HRNR: variants seen among roughly 807,000 people sequenced by gnomAD.
HRNR encodes the protein filaggrin family member 3.
A neutral mutation model predicts 4.8 loss-of-function variants in HRNR; 7 were observed. The ratio of observed to expected loss-of-function variants is 1.47; its 90% CI spans 0.83 to 2.75. HRNR has a LOEUF of 2.75. Among genes scored for constraint, HRNR ranks in the 30% most tolerant of loss-of-function variants. The pLI is 0.00. For missense variants in HRNR, 2,879 were observed against 3,010.4 expected, an observed-to-expected ratio of 0.96 and a Z score of 1.02; for synonymous variants, 1,023 against 1,242.7, an observed-to-expected ratio of 0.82 and a Z score of 3.72.
rs1267703042 is a variant in HRNR at position 152,220,341 on chromosome 1, C to G, written c.1288G>C (p.Gly430Arg). The G allele has an allele frequency of 6.2e-7, 1 of 1,613,068 alleles. No individual in the cohort carries two copies. Among genetic ancestry groups the G allele is most frequent in the Admixed American group, 1.7e-5 (1 of 59,970 alleles). Residue 430 changes from glycine to arginine, a missense_variant, in exon 3 of 3, where the codon GGG becomes CGG. This residue lies in a region of HRNR where 2,646 missense variants were observed against 1,377.7 expected (regional missense o/e 1.92). Coordinates refer to ENST00000368801, the MANE Select transcript of HRNR (RefSeq NM_001009931.3). ...SGQSPGHGQR[G>R]SGSGQSPSSG... ...CTGGGAGACTGCCCTGACCCAGACC[C>G]ACGCTGGCCGTGGCCTGGAGACTGG...
chr1:152,213,283 A>C lies in HRNR; in HGVS notation c.8346T>G (p.Ser2782=). The part of the protein sequence containing the change: ...HGRHGSGSGQ[S]SSYGQHGSGS... ...CAGACCCATGTTGGCCGTAGCTGGA[A>C]GACTGCCCTGAACCAGACCCGTGTC... is the stretch of plus-strand genomic sequence containing the variant. The change falls in exon 3 of 3, where the codon TCT becomes TCG. Residue 2782 remains serine, a synonymous_variant. Transcript: ENST00000368801. The C allele has an allele frequency of 5.4e-6, 8 of 1,481,938 alleles. No individual in the cohort carries two copies. Among genetic ancestry groups the C allele is most frequent in the Middle Eastern group, 1.8e-4 (1 of 5,648 alleles). 91.8% of individuals were successfully genotyped at this position (1,481,938 alleles called of 1,614,324 possible). A position where few individuals can be genotyped will look rare whatever the true frequency, so the allele number is the denominator to read the frequency against.
At position 152,219,488 on chromosome 1, in the gene HRNR, C is replaced by A; in HGVS notation, c.2141G>T (p.Ser714Ile). 1 of 1,612,824 alleles carries A rather than the reference C, an allele frequency of 6.2e-7. No individual in the cohort carries two copies. The highest frequency in any genetic ancestry group is 8.5e-7 in the Non-Finnish European group (1 of 1,179,444). ...GTGACTTGAGCCAGATCCATGCTGA[C>A]TGTAACCAGAGGACTGCCCTGAGCC... ...KSGSGQSSGY[S>I]QHGSGSSHSS... Residue 714 changes from serine (S) to isoleucine (I), a missense_variant, in exon 3 of 3, where the codon AGT (serine) becomes ATT (isoleucine). Ser to Ile is a moderately radical substitution (Grantham distance 142, BLOSUM62 -2). Transcript: ENST00000368801.
chr1:152,221,053 G>A lies in HRNR; in HGVS notation c.576C>T (p.Arg192=), dbSNP rs145907069. 3.5e-5 allele frequency: 56 copies of A among 1,613,258 alleles called. No homozygotes were observed. Among genetic ancestry groups the A allele is most frequent in the African/African-American group, 2.4e-4 (18 of 74,926 alleles). The change falls in exon 3 of 3, where the codon CGC becomes CGT. Residue 192 remains arginine (R), a synonymous_variant. Transcript: ENST00000368801. ...QNSDSHQSSG[R]GQCGSGSGQS... ...GCCCTGACCCAGACCCACATTGGCC[G>A]CGGCCTGAAGACTGATGGGAGTCGG...
rs755677565 is a variant in HRNR, at chr1:152,218,780, C to G, written c.2849G>C (p.Gly950Ala). ...QSSGYTQHGS[G>A]SGHSSSYEQH... ...TTCGTAGCTGGAGGAGTGACCTGAG[C>G]CAGATCCATGCTGAGTGTAACCAGA... Residue 950 changes from glycine to alanine, a missense_variant, in exon 3 of 3, where the codon GGC (glycine) becomes GCC (alanine). This residue lies in a region of HRNR where 2,646 missense variants were observed against 1,377.7 expected (regional missense o/e 1.92). Transcript: ENST00000368801. 1 of 1,613,524 alleles carries G rather than the reference C, an allele frequency of 6.2e-7. No homozygotes were observed. Among genetic ancestry groups the G allele is most frequent in the Non-Finnish European group, 8.5e-7 (1 of 1,179,966 alleles).
rs112974969 is a variant in HRNR, at chr1:152,218,957, G to T, written c.2672C>A (p.Pro891Gln). ...CCCAGACCCACGCTGGCCGTGGCCT[G>T]GAGACTGGCCAGATCCAGAGCCATG... is the stretch of plus-strand genomic sequence containing the variant. ...GRHGSGSGQS[P>Q]GHGQRGSGSG... The change falls in exon 3 of 3, where the codon CCA becomes CAA. Residue 891 changes from proline to glutamine, a missense_variant. Coordinates refer to ENST00000368801, the MANE Select transcript of HRNR (RefSeq NM_001009931.3). 6.2e-7 allele frequency: 1 copy of T among 1,613,958 alleles called. No homozygotes were observed. Among genetic ancestry groups the T allele is most frequent in the Non-Finnish European group, 8.5e-7 (1 of 1,179,958 alleles).
chr1:152,223,255 T>G lies in HRNR; in HGVS notation c.-2A>C. 1.3e-6 allele frequency: 2 copies of G among 1,592,832 alleles called. No individual in the cohort carries two copies. Among genetic ancestry groups the G allele is most frequent in the Non-Finnish European group, 1.7e-6 (2 of 1,167,050 alleles). ...GACGCCTTGTAGGAGTTTAGGCATT[T>G]TTTTTTTTGCAAGTTTGAGTAACCT... On this transcript the variant is annotated 5_prime_UTR_variant, in exon 2 of 3. Coordinates refer to ENST00000368801, the MANE Select transcript of HRNR (RefSeq NM_001009931.3).
chr1:152,220,303 A>T lies in HRNR; in HGVS notation c.1326T>A (p.His442Gln). The change falls in exon 3 of 3, where the codon CAT becomes CAA. Residue 442 changes from histidine (H) to glutamine (Q), a missense_variant. Around this residue, in one of 8 missense-constraint regions of HRNR, gnomAD observed 2,646 missense variants for 1,377.7 expected, o/e 1.92. Transcript: ENST00000368801. ...TGGAAGATCGACCAAAGCCAGTCCC[A>T]TGTTGGCCGGAGCTGGGAGACTGCC... ...GSGQSPSSGQ[H>Q]GTGFGRSSSS... 3 of 1,613,796 alleles carry T rather than the reference A, an allele frequency of 1.9e-6. No homozygotes were observed. The highest frequency in any genetic ancestry group is 1.7e-6 in the Non-Finnish European group (2 of 1,179,934).
chr1:152,223,037 T>C, intron 2 of HRNR, 79 bp downstream of exon 2: 1 of 1,413,374 alleles, frequency 7.1e-7, no homozygotes, highest in Non-Finnish European at 9.9e-7. Flanking sequence ...TCTAGGATGT[T>C]TGACATATGT....
At position 152,221,311 on chromosome 1, in the gene HRNR, G is replaced by GT. The variant is rs1229239213; in HGVS notation, c.317dup (p.His106GlnfsTer11). On this transcript the variant is annotated frameshift_variant, in exon 3 of 3. Coordinates refer to ENST00000368801, the MANE Select transcript of HRNR (RefSeq NM_001009931.3). LOFTEE classifies it low-confidence loss of function (END_TRUNC). ...TTTCTTCTTGTTCCTCTTGGTGCTG[G>GT]TGAGTGTCATCTCTCAGCTTTGACC... 1.9e-6 allele frequency: 3 copies of GT among 1,613,812 alleles called. No homozygotes were observed. In the African/African-American group the frequency reaches 4.0e-5, roughly 22 times the overall value.
In HRNR at chr1:152,218,825, T is replaced by C. The variant is rs1460816225; in HGVS notation, c.2804A>G (p.Lys935Arg). The change falls in exon 3 of 3, where the codon AAG (lysine) becomes AGG (arginine). Residue 935 changes from lysine to arginine, a missense_variant. Lys to Arg is a conservative substitution (Grantham distance 26, BLOSUM62 2). Around this residue, in one of 8 missense-constraint regions of HRNR, gnomAD observed 2,646 missense variants for 1,377.7 expected, o/e 1.92. Coordinates refer to ENST00000368801, the MANE Select transcript of HRNR (RefSeq NM_001009931.3). ...ACCAGAGGACTGCCCTGAGCTAGAC[T>C]TGTGACCAAAGCCAGAAGACTGGCC... ...GSGQSSGFGH[K>R]SSSGQSSGYT... The C allele has an allele frequency of 8.1e-6, 13 of 1,613,272 alleles. No individual in the cohort carries two copies. Among genetic ancestry groups the C allele is most frequent in the Non-Finnish European group, 1.1e-5 (13 of 1,179,898 alleles).
In HRNR at chr1:152,218,664, CA is replaced by C; in HGVS notation, c.2964del (p.Gly989AlafsTer62). On this transcript the variant is annotated frameshift_variant, in exon 3 of 3. Transcript: ENST00000368801. LOFTEE classifies it low-confidence loss of function (END_TRUNC). ...GSSSSYGQHG[S>X]GSRQSLGHGQ... The stretch of plus-strand genomic sequence containing the variant: ...CCGTGGCCCAAAGACTGACGGGAGC[CA>C]GACCCATGCTGACCATAGCTGGAAG... 1.9e-6 allele frequency: 3 copies of C among 1,613,856 alleles called. No individual in the cohort carries two copies. The highest frequency in any genetic ancestry group is 2.5e-6 in the Non-Finnish European group (3 of 1,179,996).
Position 152,218,773 on chromosome 1 carries a change from A to G in HRNR, c.2856T>C (p.Gly952=), listed in dbSNP as rs1648774252. ...CGTGTTGTTCGTAGCTGGAGGAGTGACCTGAGCCAGATCCATGCTGAGTGT... is the reference window on the plus strand; with the variant it reads ...CGTGTTGTTCGTAGCTGGAGGAGTGGCCTGAGCCAGATCCATGCTGAGTGT... ...SGYTQHGSGS[G]HSSSYEQHGS... Residue 952 remains glycine, a synonymous_variant, in exon 3 of 3, where the codon GGT becomes GGC. Coordinates refer to ENST00000368801, the MANE Select transcript of HRNR (RefSeq NM_001009931.3). 1.2e-6 allele frequency: 2 copies of G among 1,613,350 alleles called. No homozygotes were observed. The highest frequency in any genetic ancestry group is 1.7e-6 in the Non-Finnish European group (2 of 1,179,934).
At position 152,218,908 on chromosome 1, in the gene HRNR, G is replaced by C. The variant is rs1404768637; in HGVS notation, c.2721C>G (p.Gly907=). Residue 907 remains glycine (G), a synonymous_variant, in exon 3 of 3, where the codon GGC becomes GGG. Transcript: ENST00000368801. ...ACCGACCGGAGCCAGACCCATGTCGGCCATAGCTGGGAGACTGCCCTGACC... is the reference window on the plus strand; with the variant it reads ...ACCGACCGGAGCCAGACCCATGTCGCCCATAGCTGGGAGACTGCCCTGACC... ...GSGSGQSPSY[G]RHGSGSGRSS... 6.2e-7 allele frequency: 1 copy of C among 1,613,740 alleles called. No individual in the cohort carries two copies. Among genetic ancestry groups the C allele is most frequent in the Admixed American group, 1.7e-5 (1 of 59,982 alleles).
Position 152,220,152 on chromosome 1 carries a change from G to A in HRNR, c.1477C>T (p.Gln493Ter). 5 of 1,613,226 alleles carry A rather than the reference G, an allele frequency of 3.1e-6. No individual in the cohort carries two copies. The highest frequency in any genetic ancestry group is 3.4e-6 in the Non-Finnish European group (4 of 1,179,442). ...GACTGTCCTGACCTAGAGCCGTGTT[G>A]TCCGTGGCCGGAGGAGTGACCTGAG... The part of the protein sequence containing the change: ...SGSGHSSGHG[Q>*]HGSRSGQSSR... The change falls in exon 3 of 3, where the codon CAA (glutamine) becomes TAA (stop). Residue 493 changes from glutamine to a stop codon, truncating the protein, a stop_gained. Coordinates refer to ENST00000368801, the MANE Select transcript of HRNR (RefSeq NM_001009931.3). LOFTEE classifies it low-confidence loss of function (END_TRUNC).
chr1:152,219,225 A>G lies in HRNR; in HGVS notation c.2404T>C (p.Ser802Pro), dbSNP rs143461895. The change falls in exon 3 of 3, where the codon TCC (serine) becomes CCC (proline). Residue 802 changes from serine (S) to proline (P), a missense_variant. Physicochemically the swap from Ser to Pro is moderately conservative, Grantham distance 74 (BLOSUM62 -1). Around this residue, in one of 8 missense-constraint regions of HRNR, gnomAD observed 2,646 missense variants for 1,377.7 expected, o/e 1.92. Transcript: ENST00000368801. The part of the protein sequence containing the change: ...GQHGSGTSCS[S>P]SCGHYESGSG... ...CCAGACTCATAATGGCCACAGCTGGAAGAACAACTTGTGCCAGACCCGTGT... is the reference window on the plus strand; with the variant it reads ...CCAGACTCATAATGGCCACAGCTGGGAGAACAACTTGTGCCAGACCCGTGT... 6.2e-7 allele frequency: 1 copy of G among 1,613,866 alleles called. No homozygotes were observed. The highest frequency in any genetic ancestry group is 1.3e-5 in the African/African-American group (1 of 74,996).
Position 152,218,916 on chromosome 1 carries a change from T to G in HRNR, c.2713A>C (p.Ser905Arg), listed in dbSNP as rs1557843941. 3 of 1,613,484 alleles carry G rather than the reference T, an allele frequency of 1.9e-6. No individual in the cohort carries two copies. The highest frequency in any genetic ancestry group is 2.5e-6 in the Non-Finnish European group (3 of 1,179,870). The change falls in exon 3 of 3, where the codon AGC becomes CGC. Residue 905 changes from serine to arginine, a missense_variant. Coordinates refer to ENST00000368801, the MANE Select transcript of HRNR (RefSeq NM_001009931.3). ...QRGSGSGQSP[S>R]YGRHGSGSGR... ...GAGCCAGACCCATGTCGGCCATAGC[T>G]GGGAGACTGCCCTGACCCAGACCCA...
chr1:152,219,692 G>C lies in HRNR; in HGVS notation c.1937C>G (p.Ser646Cys), dbSNP rs368786159. Reference protein sequence around the residue: ...HGQHGSGSSQSSRYGQQGSGS... With the variant: ...HGQHGSGSSQCSRYGQQGSGS... ...AGAGCCCTGTTGGCCATAGCGAGAAGACTGACTTGAGCCAGAGCCATGCTG... is the reference window on the plus strand; with the variant it reads ...AGAGCCCTGTTGGCCATAGCGAGAACACTGACTTGAGCCAGAGCCATGCTG... Residue 646 changes from serine to cysteine, a missense_variant, in exon 3 of 3, where the codon TCT (serine) becomes TGT (cysteine). By Grantham distance (112) the Ser-to-Cys change is moderately radical. Coordinates refer to ENST00000368801, the MANE Select transcript of HRNR (RefSeq NM_001009931.3). 2 of 1,613,376 alleles carry C rather than the reference G, an allele frequency of 1.2e-6. No individual in the cohort carries two copies. Among genetic ancestry groups the C allele is most frequent in the Non-Finnish European group, 1.7e-6 (2 of 1,179,556 alleles).
chr1:152,221,036 C>A lies in HRNR; in HGVS notation c.593G>T (p.Gly198Val), dbSNP rs752797057. 2 of 1,613,468 alleles carry A rather than the reference C, an allele frequency of 1.2e-6. No homozygotes were observed. Among genetic ancestry groups the A allele is most frequent in the South Asian group, 1.1e-5 (1 of 90,998 alleles). ...GCCATAGTTGGGAGACTGCCCTGACCCAGACCCACATTGGCCGCGGCCTGA... is the reference window on the plus strand; with the variant it reads ...GCCATAGTTGGGAGACTGCCCTGACACAGACCCACATTGGCCGCGGCCTGA... The part of the protein sequence containing the change: ...QSSGRGQCGS[G>V]SGQSPNYGQH... Residue 198 changes from glycine (G) to valine (V), a missense_variant, in exon 3 of 3, where the codon GGG (glycine) becomes GTG (valine). This residue lies in a region of HRNR where 2,646 missense variants were observed against 1,377.7 expected (regional missense o/e 1.92). Coordinates refer to ENST00000368801, the MANE Select transcript of HRNR (RefSeq NM_001009931.3).
rs775911479 is a variant in HRNR at position 152,220,623 on chromosome 1, C to T, written c.1006G>A (p.Gly336Ser). The change falls in exon 3 of 3, where the codon GGC becomes AGC. Residue 336 changes from glycine (G) to serine (S), a missense_variant. By Grantham distance (56) the Gly-to-Ser change is moderately conservative. This residue lies in a region of HRNR where 2,646 missense variants were observed against 1,377.7 expected (regional missense o/e 1.92). Transcript: ENST00000368801. ...TGGCCTGAGCCAGACTCATAATGGCCACGGCTGTAAGAGTAACTTGAGCCA... is the reference window on the plus strand; with the variant it reads ...TGGCCTGAGCCAGACTCATAATGGCTACGGCTGTAAGAGTAACTTGAGCCA... ...GSGSSYSYSR[G>S]HYESGSGQTS... The T allele has an allele frequency of 1.9e-6, 3 of 1,612,304 alleles. No homozygotes were observed. The highest frequency in any genetic ancestry group is 2.5e-6 in the Non-Finnish European group (3 of 1,178,940).
Sources: gnomAD v4.1 joint callset for allele counts on GRCh38, gnomAD v4.1.1 for gene constraint, gnomAD v4.1.1 regional missense constraint, MANE v1.5 for transcripts, NCBI Gene and HGNC (gene_info 2026-07-23, HGNC 2026-07-21) for gene names.